Variants in FYN observed in about 807,000 individuals in gnomAD.
FYN encodes the protein tyrosine-protein kinase Fyn.
FYN carries 10 observed loss-of-function variants against 70.2 expected under a neutral mutation model. The observed-to-expected ratio is 0.14, with a 90% CI of 0.09 to 0.24. The LOEUF (loss-of-function observed/expected upper bound fraction) is 0.24. FYN is among the 10% of genes least tolerant of loss of function. The probability of loss-of-function intolerance (pLI) is 1.00; values close to 1 mark genes in which losing one functional copy is unlikely to be tolerated. For missense variants in FYN, 319 were observed against 673.1 expected, an observed-to-expected ratio of 0.47 and a Z score of 5.82; for synonymous variants, 236 against 248.6, an observed-to-expected ratio of 0.95 and a Z score of 0.48.
chr6:111,771,218 A>G (rs1583427641), intron 3 of FYN, among the ~76,000 whole-genome samples: 1 of 152,172 alleles, frequency 6.6e-6, no homozygotes, highest in South Asian at 2.1e-4. Flanking sequence ...GACTGAGCTG[A>G]CAGAGTTCCT....
chr6:111,810,799 T>C (rs1772299939), intron 2 of FYN, among the ~76,000 whole-genome samples: 1 of 152,168 alleles, frequency 6.6e-6, no homozygotes, highest in Non-Finnish European at 1.5e-5. Flanking sequence ...GGAAGAGGTG[T>C]TTGAAACAAA....
chr6:111,721,429 C>T (rs527986620), intron 3 of FYN, among the ~76,000 whole-genome samples: 7 of 152,268 alleles, frequency 4.6e-5, no homozygotes, highest in South Asian at 4.1e-4. Context: ...GTATTAAAGC[C>T]GATCCCTCCT....
chr6:111,717,636 T>C (rs767341587), intron 4 of FYN, among the ~76,000 whole-genome samples: 1 of 152,170 alleles, frequency 6.6e-6, no homozygotes, highest in Non-Finnish European at 1.5e-5. Flanking sequence ...TAATTTTTTG[T>C]ATTTTTTAGT....
At position 111,846,603 on chromosome 6, in the gene FYN, G is replaced by T. The variant is rs932050166; in HGVS notation, c.-96C>A. 2.3e-5 allele frequency: 9 copies of T among 398,600 alleles called. No individual in the cohort carries two copies. The highest frequency in any genetic ancestry group is 6.3e-4 in the Middle Eastern group (1 of 1,588). The allele number at this position is 398,600 out of a possible 1,614,324, so 24.7% of individuals were successfully genotyped here. On this transcript the variant is annotated 5_prime_UTR_variant, in exon 2 of 14. Transcript: ENST00000354650. ...TGCCAACTTACTTTTTCCACGTTTA[G>T]ATCAGCATCCTGCTTCTTCAAAAAA... is the stretch of plus-strand genomic sequence containing the variant.
chr6:111,673,016 G>A (rs1021273600), intron 13 of FYN, among the ~76,000 whole-genome samples: 5 of 152,118 alleles, frequency 3.3e-5, no homozygotes, highest in Admixed American at 6.5e-5. Flanking sequence ...TCACAGAAAC[G>A]CAAAACAACA....
intron 3 of FYN, among the ~76,000 whole-genome samples, chr6:111,757,706 T>G (rs1234402773): frequency 6.6e-6 from 1 of 152,220 alleles, no homozygotes. Context: ...CTTGAATGCT[T>G]GGTTCTTCAT....
At chr6:111,740,867 G>A (rs1414448638) in intron 3 of FYN, 2 of 152,196 alleles carry the variant, frequency 1.3e-5, no homozygotes, top group Admixed American at 6.5e-5. Context: ...TTTCCTCTTT[G>A]GGAGGTGGAG....
chr6:111,797,728 A>G lies in FYN; in HGVS notation c.-81-17093T>C, dbSNP rs530466740. 4.2e-3 allele frequency among the ~76,000 whole-genome samples: 553 copies of G among 131,374 alleles called. 8 individuals are homozygous for G. Among genetic ancestry groups the G allele is most frequent in the African/African-American group, 0.014 (538 of 39,150 alleles). The allele number at this position is 131,374 out of a possible 152,430, so 86.2% of individuals were successfully genotyped here. A position where few individuals can be genotyped will look rare whatever the true frequency, so the allele number is the denominator to read the frequency against. ...TATATATATACACACACACACACAC[A>G]TGACACACCCCTCCCAAAAACGACA... is the stretch of plus-strand genomic sequence containing the variant. On this transcript the variant is annotated intron_variant, in intron 2 of 13. Coordinates refer to ENST00000354650, the MANE Select transcript of FYN (RefSeq NM_002037.5).
At chr6:111,768,558 T>C (rs1803320686) in intron 3 of FYN, among the ~76,000 whole-genome samples, 1 of 152,164 alleles carries the variant, frequency 6.6e-6, no homozygotes, top group Admixed American at 6.5e-5. Context: ...CAGGGCCCTG[T>C]TCTCCGGGAC....
At chr6:111,841,220 C>T (rs980737497) in intron 2 of FYN, among the ~76,000 whole-genome samples, 5 of 152,216 alleles carry the variant, frequency 3.3e-5, no homozygotes, top group Admixed American at 3.3e-4. Context: ...AGGGCGACCA[C>T]CTTGCAGGGC....
At chr6:111,666,714 T>C (rs376217120) in intron 13 of FYN, among the ~76,000 whole-genome samples, 1 of 152,098 alleles carries the variant, frequency 6.6e-6, no homozygotes, top group Non-Finnish European at 1.5e-5. Context: ...GTACCTGTGG[T>C]CCCAGCTGTT....
chr6:111,828,255 A>G (rs1319226772), intron 2 of FYN, among the ~76,000 whole-genome samples: 1 of 152,202 alleles, frequency 6.6e-6, no homozygotes, highest in Non-Finnish European at 1.5e-5. Context: ...TGAAAAACCC[A>G]TGCTCTGTGG....
At chr6:111,662,889 T>C (rs1797820623) in intron 13 of FYN, among the ~76,000 whole-genome samples, 1 of 152,168 alleles carries the variant, frequency 6.6e-6, no homozygotes, top group African/African-American at 2.4e-5. Flanking sequence ...AGCCAGGCCA[T>C]CCATCATTTG....
intron 13 of FYN, among the ~76,000 whole-genome samples, chr6:111,663,133 G>A (rs943981001): frequency 6.6e-5 from 10 of 152,124 alleles, no homozygotes; most frequent in Non-Finnish European, 1.0e-4. Context: ...CCAGCTCCCC[G>A]TCAAGCTGTG....
intron 5 of FYN, chr6:111,709,192 A>T (rs1254475040): frequency 1.0e-3 from 130 of 128,120 alleles, no homozygotes; most frequent in African/African-American, 6.2e-3. Context: ...AGGCATTTTA[A>T]AAAAAAATCG....
intron 6 of FYN, among the ~76,000 whole-genome samples, chr6:111,706,766 A>G (rs1055100018): frequency 1.3e-5 from 2 of 152,256 alleles, no homozygotes; most frequent in African/African-American, 4.8e-5. Context: ...ACAAATTCCC[A>G]GTTAAATCAG....
At chr6:111,687,311 C>A (rs765733330) in intron 12 of FYN, among the ~76,000 whole-genome samples, 69 of 152,176 alleles carry the variant, frequency 4.5e-4, no homozygotes, top group Non-Finnish European at 6.0e-4. Context: ...AGCATTTGAA[C>A]AGACACATTT....
intron 8 of FYN, chr6:111,702,572 C>T (rs1047458879): frequency 2.8e-5 from 6 of 215,816 alleles, no homozygotes; most frequent in South Asian, 1.7e-4. Flanking sequence ...TCACATGCAA[C>T]GCGGGGAATG....
intron 13 of FYN, among the ~76,000 whole-genome samples, chr6:111,663,441 G>C (rs1174245775): frequency 6.6e-6 from 1 of 152,228 alleles, no homozygotes; most frequent in Non-Finnish European, 1.5e-5. Context: ...GGGGTCTGTT[G>C]CCAGTCCTCT....
Sources: gnomAD v4.1 joint callset for allele counts (sites outside exome capture counted in the v4.1 genomes callset) on GRCh38, gnomAD v4.1.1 for gene constraint, MANE v1.5 for transcripts, NCBI Gene and HGNC (gene_info 2026-07-23, HGNC 2026-07-21) for gene names.